The following TAFA2 variants were observed in gnomAD, a reference collection of about 807,000 sequenced individuals.
The protein encoded by TAFA2 is chemokine-like protein TAFA-2.
A neutral mutation model predicts 18.8 loss-of-function variants in TAFA2; 7 were observed. The ratio of observed to expected loss-of-function variants is 0.37; its 90% confidence interval spans 0.21 to 0.70. The LOEUF (loss-of-function observed/expected upper bound fraction) is 0.70, where lower values mean the gene tolerates loss of function less well. TAFA2 is among the 30% of genes least tolerant of loss of function. The pLI is 0.53. For synonymous variants in TAFA2, 60 were observed against 54.2 expected (o/e 1.11, Z -0.47); for missense variants, 122 against 158.1 (o/e 0.77, Z 1.23).
chr12:61,843,442 C>T (rs1252663178), intron 2 of TAFA2, among the ~76,000 whole-genome samples: 2 of 152,032 alleles, frequency 1.3e-5, no homozygotes, highest in Non-Finnish European at 2.9e-5. Flanking sequence ...TACCATTTTA[C>T]TTTGCTTTGG....
intron 1 of TAFA2, among the ~76,000 whole-genome samples, chr12:61,920,718 T>C (rs1021745863): frequency 6.6e-6 from 1 of 151,944 alleles, no homozygotes; most frequent in Non-Finnish European, 1.5e-5. Flanking sequence ...AATTTCAAGA[T>C]CCCTAGCCAA....
chr12:61,745,410 A>T (rs1433852083), intron 4 of TAFA2, among the ~76,000 whole-genome samples: 2 of 151,942 alleles, frequency 1.3e-5, no homozygotes, highest in African/African-American at 4.8e-5. Context: ...TGCCCAGCAA[A>T]GCTCTCATCT....
At chr12:62,037,277 G>C (rs774371604) in intron 1 of TAFA2, among the ~76,000 whole-genome samples, 10 of 152,076 alleles carry the variant, frequency 6.6e-5, no homozygotes, top group Admixed American at 2.0e-4. Context: ...TGCAGGGTGA[G>C]TTTCATTCAA....
chr12:62,254,892 G>A (rs942029714), intron 1 of TAFA2, among the ~76,000 whole-genome samples: 2 of 152,104 alleles, frequency 1.3e-5, no homozygotes, highest in Non-Finnish European at 2.9e-5. Context: ...TGAAGTGAAG[G>A]GTTGTCCAAA....
intron 1 of TAFA2, among the ~76,000 whole-genome samples, chr12:62,220,753 T>TAAA (rs60803826): frequency 6.7e-6 from 1 of 149,980 alleles, no homozygotes; most frequent in Non-Finnish European, 1.5e-5. Context: ...CTAAAACTGC[T>TAAA]AAAAAAAAAT....
intron 2 of TAFA2, among the ~76,000 whole-genome samples, chr12:61,786,096 T>C (rs920912071): frequency 1.3e-5 from 2 of 151,288 alleles, no homozygotes; most frequent in Non-Finnish European, 1.5e-5. Flanking sequence ...AACTATCCAA[T>C]CAAAGGGAAA....
At chr12:61,722,686 A>C (rs957973214) in intron 4 of TAFA2, among the ~76,000 whole-genome samples, 5 of 152,144 alleles carry the variant, frequency 3.3e-5, no homozygotes, top group African/African-American at 1.2e-4. Context: ...TAAAAATTTC[A>C]TATATACCCA....
chr12:61,812,224 G>A (rs374962998), intron 2 of TAFA2, among the ~76,000 whole-genome samples: 1 of 151,472 alleles, frequency 6.6e-6, no homozygotes, highest in South Asian at 2.1e-4. Flanking sequence ...CCCTCTGAAG[G>A]AAACTCCTAG....
intron 1 of TAFA2, among the ~76,000 whole-genome samples, chr12:61,955,484 C>A (rs1180929956): frequency 6.7e-6 from 1 of 149,368 alleles, no homozygotes; most frequent in Non-Finnish European, 1.5e-5. Flanking sequence ...CACCTGTAGA[C>A]CCAGCTACTC....
chr12:61,871,960 C>T (rs1014819453), intron 1 of TAFA2, among the ~76,000 whole-genome samples: 2 of 152,114 alleles, frequency 1.3e-5, no homozygotes, highest in Non-Finnish European at 2.9e-5. Context: ...GGCGTGGTGG[C>T]GGGCGCCTGT....
intron 1 of TAFA2, among the ~76,000 whole-genome samples, chr12:62,132,192 A>T (rs1870715490): frequency 6.6e-6 from 1 of 151,960 alleles, no homozygotes; most frequent in Non-Finnish European, 1.5e-5. Flanking sequence ...ATTCGAGCTC[A>T]CATTCACAAA....
At chr12:61,819,545 A>C (rs998073747) in intron 2 of TAFA2, among the ~76,000 whole-genome samples, 27 of 152,122 alleles carry the variant, frequency 1.8e-4, no homozygotes, top group African/African-American at 6.0e-4. Context: ...GAAGTCAAAA[A>C]CTTGTTAGAT....
At chr12:61,879,867 A>G in intron 1 of TAFA2, 1 of 944,710 alleles carries the variant, frequency 1.1e-6, no homozygotes. Flanking sequence ...TACCATGATG[A>G]GATCAATAAG....
chr12:61,727,108 T>C (rs1310790478), intron 4 of TAFA2, among the ~76,000 whole-genome samples: 2 of 152,138 alleles, frequency 1.3e-5, no homozygotes, highest in Non-Finnish European at 2.9e-5. Context: ...ATCTTACTGA[T>C]AAGCTGTTGG....
chr12:62,147,389 A>G (rs1275249984), intron 1 of TAFA2, among the ~76,000 whole-genome samples: 2 of 140,972 alleles, frequency 1.4e-5, no homozygotes, highest in Non-Finnish European at 3.0e-5. Flanking sequence ...AACAAAAACA[A>G]AAATTGACAC....
intron 1 of TAFA2, chr12:61,880,469 G>T (rs1291513231): frequency 1.9e-6 from 1 of 537,182 alleles, no homozygotes; most frequent in Non-Finnish European, 3.8e-6. Context: ...TGTCAAGCTG[G>T]CCCTGGACAT....
intron 1 of TAFA2, among the ~76,000 whole-genome samples, chr12:61,914,801 TTCC>T (rs1876753639): frequency 1.3e-5 from 2 of 152,214 alleles, no homozygotes; most frequent in Non-Finnish European, 1.5e-5. Context: ...TCTAAATAGC[TTCC>T]TTTCTAATTG....
At chr12:61,929,815 C>T (rs886951584) in intron 1 of TAFA2, among the ~76,000 whole-genome samples, 1 of 152,066 alleles carries the variant, frequency 6.6e-6, no homozygotes, top group Admixed American at 6.6e-5. Context: ...CCATGGAATA[C>T]TATGCAGCCA....
At position 62,223,913 on chromosome 12, in the gene TAFA2, T is replaced by G. The variant is rs146958353; in HGVS notation, c.-130+34850A>C. Among the ~76,000 whole-genome samples the G allele has an allele frequency of 2.3e-3, 356 of 152,308 alleles. 4 individuals carry two copies. Among genetic ancestry groups the G allele is most frequent in the African/African-American group, 8.0e-3 (332 of 41,554 alleles). On this transcript the variant is annotated intron_variant, in intron 1 of 5. Transcript: ENST00000551619. ...ATAAAAGAAACATATAATTACCATA[T>G]GATCCAGCAATTCTATTTCTGAGTA... is the stretch of plus-strand genomic sequence containing the variant.
Sources: gnomAD v4.1 joint callset for allele counts (sites outside exome capture counted in the v4.1 genomes callset) on GRCh38, gnomAD v4.1.1 for gene constraint, MANE v1.5 for transcripts, NCBI Gene and HGNC (gene_info 2026-07-23, HGNC 2026-07-21) for gene names.